Variants in GYG1 observed in about 807,000 individuals in gnomAD.
The protein encoded by GYG1 is glycogenin-1.
In GYG1, 44 loss-of-function variants were observed where a neutral mutation model predicts 41.9. That is an observed-to-expected ratio of 1.05 (90% CI 0.83 to 1.35). GYG1 has a LOEUF of 1.35. Ranked by LOEUF, GYG1 falls within the 40% of genes most tolerant of loss-of-function variation. GYG1 has a pLI of 0.00. For synonymous variants in GYG1, 141 were observed against 158.1 expected, an observed-to-expected ratio of 0.89 and a Z score of 0.81; for missense variants, 429 against 418.9, an observed-to-expected ratio of 1.02 and a Z score of -0.21.
chr3:148,997,304 C>T (rs1712858922), intron 4 of GYG1, among the ~76,000 whole-genome samples: 1 of 152,094 alleles, frequency 6.6e-6, no homozygotes, highest in Non-Finnish European at 1.5e-5. Flanking sequence ...CAAGCATTGT[C>T]ACTATGGAAA....
intron 4 of GYG1, chr3:149,004,195 G>C (rs1468618622): frequency 1.3e-5 from 2 of 152,192 alleles, no homozygotes; most frequent in Admixed American, 1.3e-4. Flanking sequence ...CCACACCCTG[G>C]TGTACCGGAT....
chr3:149,023,507 A>G (rs1303823975), intron 5 of GYG1, among the ~76,000 whole-genome samples: 1 of 152,208 alleles, frequency 6.6e-6, no homozygotes, highest in Non-Finnish European at 1.5e-5. Flanking sequence ...GAGCATTTTT[A>G]ACTTTACTAG....
intron 4 of GYG1, among the ~76,000 whole-genome samples, chr3:149,001,802 T>A (rs1414202857): frequency 6.6e-6 from 1 of 152,152 alleles, no homozygotes; most frequent in Non-Finnish European, 1.5e-5. Context: ...GGGTGGTTTT[T>A]CCATTCCCAA....
At chr3:149,014,400 G>T (rs752859627) in intron 5 of GYG1, among the ~76,000 whole-genome samples, 1 of 152,154 alleles carries the variant, frequency 6.6e-6, no homozygotes, top group Non-Finnish European at 1.5e-5. Flanking sequence ...GAGTGAGATC[G>T]CATGGGCAGA....
chr3:149,003,740 C>T (rs551900093), intron 4 of GYG1, among the ~76,000 whole-genome samples: 136 of 152,134 alleles, frequency 8.9e-4, no homozygotes, highest in Non-Finnish European at 1.6e-3. Flanking sequence ...TGCTGGAACC[C>T]GGGCCACAGT....
In GYG1 at chr3:149,030,790, A is replaced by G. The variant is rs370806697; in HGVS notation, c.*3857A>G. On this transcript the variant is annotated 3_prime_UTR_variant, in exon 8 of 8. Coordinates refer to ENST00000345003, the MANE Select transcript of GYG1 (RefSeq NM_004130.4). ...ACTGCCTCAAAAAGGGACCAGGAAG[A>G]TTCTAGCTGGCTAATTCACTGTTCC... The G allele has an allele frequency of 1.3e-5, 2 of 152,220 alleles. No individual in the cohort carries two copies. Among genetic ancestry groups the G allele is most frequent in the South Asian group, 2.1e-4 (1 of 4,826 alleles). The allele number at this position is 152,220 out of a possible 1,614,324, so 9.4% of individuals were successfully genotyped here.
In GYG1 at chr3:148,996,513, T is replaced by C. The variant is rs376260935; in HGVS notation, c.318+37T>C. On this transcript the variant is annotated intron_variant, in intron 3 of 7. Coordinates refer to ENST00000345003, the MANE Select transcript of GYG1 (RefSeq NM_004130.4). ...TTTGAGGGTAGAAAAGAAAGACATATATATATATGGTGATGGAGACCTGTA... is the reference window on the plus strand; with the variant it reads ...TTTGAGGGTAGAAAAGAAAGACATACATATATATGGTGATGGAGACCTGTA... The C allele has an allele frequency of 1.4e-5, 22 of 1,549,712 alleles. 1 individual carries two copies. The African/African-American group carries it at 2.0e-4, about 14-fold the overall frequency.
At chr3:148,997,703 T>C (rs1353428391) in intron 4 of GYG1, among the ~76,000 whole-genome samples, 2 of 152,268 alleles carry the variant, frequency 1.3e-5, no homozygotes, top group African/African-American at 4.8e-5. Flanking sequence ...TTATTTTTGA[T>C]GGTTCTTTTG....
chr3:148,997,796 T>C (rs1712894295), intron 4 of GYG1, among the ~76,000 whole-genome samples: 1 of 152,212 alleles, frequency 6.6e-6, no homozygotes. Flanking sequence ...TATGTGACAT[T>C]GTAGCAGGGC....
chr3:149,024,105 A>G lies in GYG1; in HGVS notation c.661A>G (p.Asn221Asp). ...VHFLGRVKPW[N>D]YTYDPKTKSV... ...TTTCCTGGGACGAGTCAAACCATGG[A>G]ATTATACTTATGATCCCAAAACAAA... is the stretch of plus-strand genomic sequence containing the variant. The change falls in exon 6 of 8, where the codon AAT becomes GAT. Residue 221 changes from asparagine (N) to aspartate (D), a missense_variant. Transcript: ENST00000345003. 3 of 1,614,148 alleles carry G rather than the reference A, an allele frequency of 1.9e-6. No individual in the cohort carries two copies. Among genetic ancestry groups the G allele is most frequent in the Non-Finnish European group, 2.5e-6 (3 of 1,180,004 alleles).
chr3:148,999,566 G>T (rs1438345508), intron 4 of GYG1, among the ~76,000 whole-genome samples: 1 of 152,174 alleles, frequency 6.6e-6, no homozygotes, highest in African/African-American at 2.4e-5. Flanking sequence ...GAATCAATGT[G>T]TGAACTGTGT....
chr3:148,991,828 C>T (rs1010397640), intron 1 of GYG1, among the ~76,000 whole-genome samples, 181 bp downstream of exon 1: 1 of 152,244 alleles, frequency 6.6e-6, no homozygotes, highest in African/African-American at 2.4e-5. Context: ...CCCGCCGCCC[C>T]CCAGAGTGCA....
intron 5 of GYG1, among the ~76,000 whole-genome samples, chr3:149,014,438 C>T (rs1420377196): frequency 1.3e-5 from 2 of 151,764 alleles, no homozygotes; most frequent in Non-Finnish European, 2.9e-5. Context: ...CCATCTCGGT[C>T]GAAGAGGGAG....
At chr3:149,016,545 T>A (rs1198838976) in intron 5 of GYG1, among the ~76,000 whole-genome samples, 1 of 152,174 alleles carries the variant, frequency 6.6e-6, no homozygotes, top group Non-Finnish European at 1.5e-5. Context: ...GTGTAGGTTA[T>A]TAAAGTCTGG....
chr3:148,991,812 TGCCGCCCC>T (rs1176131132), intron 1 of GYG1, among the ~76,000 whole-genome samples, 165 bp downstream of exon 1: 1 of 152,158 alleles, frequency 6.6e-6, no homozygotes, highest in African/African-American at 2.4e-5. Context: ...CTGCGTCAGC[TGCCGCCCC>T]GCCGCCCCCC....
intron 5 of GYG1, among the ~76,000 whole-genome samples, 158 bp downstream of exon 5, chr3:149,009,560 C>G (rs762213138): frequency 2.0e-5 from 3 of 152,104 alleles, no homozygotes; most frequent in Non-Finnish European, 4.4e-5. Context: ...TGGGGAGAGG[C>G]CTTGATGTTA....
intron 2 of GYG1, among the ~76,000 whole-genome samples, chr3:148,994,993 CAACATGGCGA>C (rs1436761624): frequency 6.6e-6 from 1 of 152,144 alleles, no homozygotes; most frequent in Non-Finnish European, 1.5e-5. Context: ...CCAGCCTGGC[CAACATGGCGA>C]AACCCGTCTC....
rs990159302 is a variant in GYG1, at chr3:149,027,657, G to A, written c.*724G>A. 1 of 152,266 alleles carries A rather than the reference G, an allele frequency of 6.6e-6. No homozygotes were observed. The highest frequency in any genetic ancestry group is 2.4e-5 in the African/African-American group (1 of 41,424). The allele number at this position is 152,266 out of a possible 1,614,324, so 9.4% of individuals were successfully genotyped here. A position where few individuals can be genotyped will look rare whatever the true frequency, so the allele number is the denominator to read the frequency against. ...ATCTTGGTTGTTTAATTAAATTAAGGAATTTCACCATACACCCTTGAACAA... is the reference window on the plus strand; with the variant it reads ...ATCTTGGTTGTTTAATTAAATTAAGAAATTTCACCATACACCCTTGAACAA... On this transcript the variant is annotated 3_prime_UTR_variant, in exon 8 of 8. Transcript: ENST00000345003.
chr3:148,992,766 C>CT (rs1194363910), intron 1 of GYG1: 1 of 152,288 alleles, frequency 6.6e-6, no homozygotes, highest in Non-Finnish European at 1.5e-5. Flanking sequence ...CAGAGCTTTC[C>CT]TAGAGTGTGA....
Sources: gnomAD v4.1 joint callset for allele counts (sites outside exome capture counted in the v4.1 genomes callset) on GRCh38, gnomAD v4.1.1 for gene constraint, MANE v1.5 for transcripts, NCBI Gene and HGNC (gene_info 2026-07-23, HGNC 2026-07-21) for gene names.